Variants in NDEL1 observed in about 807,000 individuals in gnomAD.
The protein encoded by NDEL1 is nudE neurodevelopment protein 1 like 1.
In NDEL1, 9 loss-of-function variants were observed where a neutral mutation model predicts 45.7. That is an observed-to-expected ratio of 0.20 (90% CI 0.12 to 0.34). The LOEUF (loss-of-function observed/expected upper bound fraction) is 0.34. NDEL1 is among the 10% of genes least tolerant of loss of function. The pLI is 1.00. For synonymous variants in NDEL1, 133 were observed against 158.6 expected (o/e 0.84, Z 1.21); for missense variants, 306 against 406.2 (o/e 0.75, Z 2.12).
chr17:8,462,675 C>G (rs1911287361), intron 8 of NDEL1: 2 of 152,184 alleles, frequency 1.3e-5, no homozygotes, highest in Non-Finnish European at 1.5e-5. Flanking sequence ...TTTGAAAAAG[C>G]CCTCCACTGC....
intron 1 of NDEL1, among the ~76,000 whole-genome samples, chr17:8,423,427 T>TC (rs1908750675): frequency 6.6e-6 from 1 of 151,980 alleles, no homozygotes; most frequent in African/African-American, 2.4e-5. Context: ...TTCATGCCTA[T>TC]CATCCCAGCA....
chr17:8,430,552 T>A (rs1279795859), intron 1 of NDEL1, among the ~76,000 whole-genome samples: 5 of 152,202 alleles, frequency 3.3e-5, no homozygotes, highest in Non-Finnish European at 5.9e-5. Context: ...TGGTGGAATC[T>A]GGCCTCTGTT....
In NDEL1 at chr17:8,459,994, CCTT is replaced by C. The variant is rs1450356576; in HGVS notation, c.793-11_793-9del. The C allele has an allele frequency of 1.8e-5, 29 of 1,603,970 alleles. No homozygotes were observed. The highest frequency in any genetic ancestry group is 2.7e-5 in the African/African-American group (2 of 74,306). On this transcript the variant is annotated splice_polypyrimidine_tract_variant and intron_variant, in intron 7 of 8. Transcript: ENST00000334527. ...CTGTTTTGACAACCATATCATTCCTCCTTCTTTTTTGTAGGCTTTAGAATCCAA... is the reference window on the plus strand; with the variant it reads ...CTGTTTTGACAACCATATCATTCCTCCTTTTTTGTAGGCTTTAGAATCCAA...
chr17:8,447,675 C>T (rs1292560491), intron 4 of NDEL1, among the ~76,000 whole-genome samples: 2 of 152,174 alleles, frequency 1.3e-5, no homozygotes, highest in Non-Finnish European at 2.9e-5. Flanking sequence ...GAACAACGTG[C>T]AGTGGCTTGC....
intron 1 of NDEL1, among the ~76,000 whole-genome samples, chr17:8,429,456 C>T (rs1457338765): frequency 6.6e-6 from 1 of 150,710 alleles, no homozygotes; most frequent in Non-Finnish European, 1.5e-5. Context: ...TCCATGTGAG[C>T]TCAGAGGAAG....
At chr17:8,447,940 G>A (rs1910188420) in intron 4 of NDEL1, among the ~76,000 whole-genome samples, 1 of 147,388 alleles carries the variant, frequency 6.8e-6, no homozygotes, top group South Asian at 2.2e-4. Flanking sequence ...CTGCTCCAGG[G>A]CATAGAGGAG....
chr17:8,460,119 A>T lies in NDEL1; in HGVS notation c.903A>T (p.Thr301=), dbSNP rs753186409. Residue 301 remains threonine, a synonymous_variant, in exon 8 of 9, where the codon ACA becomes ACT. Transcript: ENST00000334527. ...VNCGVLNGNG[T]KFSRSGHTSF... is the part of the protein sequence containing the mutation. ...GTGGGGTGCTGAATGGCAATGGCAC[A>T]AAGTTCTCTCGATCAGGGCATACAT... 1.2e-6 allele frequency: 2 copies of T among 1,614,190 alleles called. No individual in the cohort carries two copies. The highest frequency in any genetic ancestry group is 1.7e-6 in the Non-Finnish European group (2 of 1,180,034).
chr17:8,469,389 C>T (rs73243264), downstream of NDEL1, among the ~76,000 whole-genome samples: 4,109 of 152,306 alleles, frequency 0.027, 180 homozygotes, highest in African/African-American at 0.09. Context: ...TCATCCCTGG[C>T]TCCCCAAATG....
In NDEL1 at chr17:8,466,965, CTGGTCT is replaced by C; in HGVS notation, c.981_986del (p.Leu329_Gly330del). 1 of 1,614,248 alleles carries C rather than the reference CTGGTCT, an allele frequency of 6.2e-7. No individual in the cohort carries two copies. The highest frequency in any genetic ancestry group is 8.5e-7 in the Non-Finnish European group (1 of 1,180,038). Reference sequence around the variant, plus strand: ...GGCTTTGACCCCGCTCCTCCTCCTCCTGGTCTGGGCTCCTCGCGTCCATCGTCAGCG... The same window carrying C: ...GGCTTTGACCCCGCTCCTCCTCCTCCGGGCTCCTCGCGTCCATCGTCAGCG... On this transcript the variant is annotated inframe_deletion, in exon 9 of 9. Coordinates refer to ENST00000334527, the MANE Select transcript of NDEL1 (RefSeq NM_030808.5).
At chr17:8,458,772 G>C (rs1368237393) in intron 7 of NDEL1, among the ~76,000 whole-genome samples, 1 of 152,080 alleles carries the variant, frequency 6.6e-6, no homozygotes, top group Non-Finnish European at 1.5e-5. Flanking sequence ...TGTCGCCCAG[G>C]CTGTAGTGCA....
chr17:8,447,044 A>G (rs1156817221), intron 4 of NDEL1, 142 bp downstream of exon 4: 2 of 1,019,846 alleles, frequency 2.0e-6, no homozygotes, highest in Non-Finnish European at 2.8e-6. Context: ...ATCGGACGGA[A>G]GGGAACCCCA....
chr17:8,413,996 A>G lies in NDEL1; in HGVS notation c.-13+727A>G, dbSNP rs530451841. Among the ~76,000 whole-genome samples the G allele has an allele frequency of 1.7e-4, 26 of 152,374 alleles. 2 individuals are homozygous for G. The South Asian group carries it at 5.4e-3, about 32-fold the overall frequency. On this transcript the variant is annotated intron_variant, in intron 1 of 4. Transcript: ENST00000582812. ...TCTCTAAAGATTAATATTTTGGCAT[A>G]TAGACATCTAGACTTTTAAATGAAT...
chr17:8,435,474 T>C (rs966453613), upstream of NDEL1, among the ~76,000 whole-genome samples: 15 of 152,222 alleles, frequency 9.9e-5, no homozygotes, highest in Admixed American at 3.9e-4. Context: ...GAGTGATGCT[T>C]AGAATGCTCC....
At chr17:8,427,594 C>T (rs1012367986) in intron 1 of NDEL1, among the ~76,000 whole-genome samples, 6 of 151,948 alleles carry the variant, frequency 3.9e-5, no homozygotes, top group African/African-American at 1.2e-4. Flanking sequence ...TCCAGCTACT[C>T]GGGGGCGGGA....
At chr17:8,424,017 C>T (rs1015503139) in intron 1 of NDEL1, among the ~76,000 whole-genome samples, 2 of 152,060 alleles carry the variant, frequency 1.3e-5, no homozygotes, top group Non-Finnish European at 2.9e-5. Flanking sequence ...ATTTTTTAAA[C>T]TTTAGAAAAT....
chr17:8,425,773 G>C (rs143614152), intron 1 of NDEL1, among the ~76,000 whole-genome samples: 2 of 151,738 alleles, frequency 1.3e-5, no homozygotes, highest in East Asian at 1.9e-4. Flanking sequence ...GCATACTCAG[G>C]GTTCTTTGTC....
Position 8,445,695 on chromosome 17 carries a change from CTT to C in NDEL1, c.87-14_87-13del, listed in dbSNP as rs772617776. 16 of 1,587,684 alleles carry C rather than the reference CTT, an allele frequency of 1.0e-5. No homozygotes were observed. The highest frequency in any genetic ancestry group is 1.4e-5 in the Non-Finnish European group (16 of 1,171,222). ...TTCTTAGTGTAACTCGTCTTTCCCA[CTT>C]TGTTTCTGATTAGCTTCCAGGAAGC... On this transcript the variant is annotated splice_polypyrimidine_tract_variant and intron_variant, in intron 2 of 8. Transcript: ENST00000334527.
chr17:8,429,451 G>C (rs1301139343), intron 1 of NDEL1, among the ~76,000 whole-genome samples: 1 of 152,122 alleles, frequency 6.6e-6, no homozygotes, highest in Admixed American at 6.5e-5. Flanking sequence ...AGAGCTCCAT[G>C]TGAGCTCAGA....
Position 8,466,952 on chromosome 17 carries a change from GCTC to G in NDEL1, c.979_981del (p.Pro327del), listed in dbSNP as rs757809404. ...CAGGGCAGTAAACGGCTTTGACCCC[GCTC>G]CTCCTCCTCCTGGTCTGGGCTCCTC... is the stretch of plus-strand genomic sequence containing the variant. On this transcript the variant is annotated inframe_deletion, in exon 9 of 9. Transcript: ENST00000334527. The G allele has an allele frequency of 5.9e-5, 96 of 1,613,848 alleles. No individual in the cohort carries two copies. Among genetic ancestry groups the G allele is most frequent in the Non-Finnish European group, 7.5e-5 (89 of 1,179,892 alleles).
Sources: allele counts gnomAD v4.1 joint callset (sites outside exome capture counted in the v4.1 genomes callset), GRCh38; gene constraint gnomAD v4.1.1; transcripts MANE v1.5; gene names NCBI Gene and HGNC (gene_info 2026-07-23, HGNC 2026-07-21).